The following MRPS25 variants were observed in gnomAD, a reference collection of about 807,000 sequenced individuals.
MRPS25 encodes the protein small ribosomal subunit protein mS25.
A neutral mutation model predicts 17.3 loss-of-function variants in MRPS25; 15 were observed. The ratio of observed to expected loss-of-function variants is 0.87; its 90% CI spans 0.58 to 1.34. The LOEUF (loss-of-function observed/expected upper bound fraction) is 1.34. Ranked by LOEUF, MRPS25 falls within the 40% of genes most tolerant of loss-of-function variation. MRPS25 has a pLI of 0.00. For synonymous variants in MRPS25, 94 were observed against 83.3 expected (o/e 1.13, Z -0.70); for missense variants, 225 against 218.6 (o/e 1.03, Z -0.19).
chr3:15,050,006 CAT>C lies in MRPS25; in HGVS notation c.*2433_*2434del. On this transcript the variant is annotated 3_prime_UTR_variant, in exon 4 of 4. Transcript: ENST00000253686. ...CTGCTTGTGCAAGTAAAATTAAGAA[CAT>C]GTTATCAATTATAAAATCCTCACAT... 7 of 1,468,998 alleles carry C rather than the reference CAT, an allele frequency of 4.8e-6. No homozygotes were observed. The South Asian group carries it at 7.1e-5, about 15-fold the overall frequency. 91.0% of individuals were successfully genotyped at this position (1,468,998 alleles called of 1,614,324 possible). A position where few individuals can be genotyped will look rare whatever the true frequency, so the allele number is the denominator to read the frequency against.
At chr3:15,063,242 A>C (rs893549506) in intron 1 of MRPS25, among the ~76,000 whole-genome samples, 1 of 152,138 alleles carries the variant, frequency 6.6e-6, no homozygotes, top group Non-Finnish European at 1.5e-5. Context: ...CTTCGATCAC[A>C]CTGTTCTGTC....
At position 15,051,111 on chromosome 3, in the gene MRPS25, A is replaced by G. The variant is rs961821631; in HGVS notation, c.*1330T>C. On this transcript the variant is annotated 3_prime_UTR_variant, in exon 4 of 4. Coordinates refer to ENST00000253686, the MANE Select transcript of MRPS25 (RefSeq NM_022497.5). ...TAACCACTGCCTTCCTGTCTCAGAT[A>G]AAGTCAGGTCTCCTTGGCTGAGTTT... The G allele has an allele frequency of 4.1e-6, 4 of 985,362 alleles. No homozygotes were observed. The highest frequency in any genetic ancestry group is 4.8e-6 in the Non-Finnish European group (4 of 829,898). 61.0% of individuals were successfully genotyped at this position (985,362 alleles called of 1,614,324 possible).
intron 2 of MRPS25, among the ~76,000 whole-genome samples, chr3:15,057,446 C>A (rs2042687548): frequency 6.6e-6 from 1 of 152,180 alleles, no homozygotes; most frequent in Non-Finnish European, 1.5e-5. Flanking sequence ...TGGAATACTA[C>A]CCAGCCAGAA....
At position 15,052,244 on chromosome 3, in the gene MRPS25, G is replaced by C; in HGVS notation, c.*197C>G. ...AGCGTTTTATTGACCAGCAGAGCAG[G>C]GATATTCATTTAGCAGCTCAGCTTC... On this transcript the variant is annotated 3_prime_UTR_variant, in exon 4 of 4. Coordinates refer to ENST00000253686, the MANE Select transcript of MRPS25 (RefSeq NM_022497.5). 1 of 1,351,264 alleles carries C rather than the reference G, an allele frequency of 7.4e-7. No individual in the cohort carries two copies. The highest frequency in any genetic ancestry group is 9.5e-7 in the Non-Finnish European group (1 of 1,053,702). The allele number at this position is 1,351,264 out of a possible 1,614,324, so 83.7% of individuals were successfully genotyped here. A position where few individuals can be genotyped will look rare whatever the true frequency, so the allele number is the denominator to read the frequency against.
At chr3:15,062,771 C>G (rs529614153) in intron 1 of MRPS25, among the ~76,000 whole-genome samples, 295 of 152,204 alleles carry the variant, frequency 1.9e-3, no homozygotes, top group Middle Eastern at 3.4e-3. Flanking sequence ...GACCTTACCC[C>G]CAACCCTGTG....
Position 15,052,481 on chromosome 3 carries a change from C to T in MRPS25, c.482G>A (p.Gly161Glu). The T allele has an allele frequency of 1.2e-6, 2 of 1,614,188 alleles. No homozygotes were observed. Among genetic ancestry groups the T allele is most frequent in the African/African-American group, 1.3e-5 (1 of 75,064 alleles). The change falls in exon 4 of 4, where the codon GGG becomes GAG. Residue 161 changes from glycine to glutamate, a missense_variant. Gly to Glu is a moderately conservative substitution (Grantham distance 98). Coordinates refer to ENST00000253686, the MANE Select transcript of MRPS25 (RefSeq NM_022497.5). ...SLVPLPKEMR[G>E]KYKAALKADA... The stretch of plus-strand genomic sequence containing the variant: ...GGCTTTCAGAGCGGCTTTGTACTTC[C>T]CCCTCATCTCCTTGGGTAATGGCAC...
At chr3:15,043,084 T>C, downstream of MRPS25, 1 of 1,413,456 alleles carries the variant, frequency 7.1e-7, no homozygotes, top group South Asian at 1.5e-5. Context: ...TAGTGGTATT[T>C]TGGTATGTGC....
Position 15,053,439 on chromosome 3 carries a change from C to T in MRPS25, c.270G>A (p.Val90=), listed in dbSNP as rs146144968. The part of the protein sequence containing the change: ...LDSGEQVLVD[V]ETKSNKEIME... ...TGATCTCCTTATTGCTCTTGGTCTC[C>T]ACATCCACCAGGACCTGCTCCCCAG... is the stretch of plus-strand genomic sequence containing the variant. Residue 90 remains valine (V), a synonymous_variant, in exon 3 of 4, where the codon GTG becomes GTA. Coordinates refer to ENST00000253686, the MANE Select transcript of MRPS25 (RefSeq NM_022497.5). 17 of 1,614,020 alleles carry T rather than the reference C, an allele frequency of 1.1e-5. No homozygotes were observed. Among genetic ancestry groups the T allele is most frequent in the African/African-American group, 2.7e-5 (2 of 74,902 alleles).
chr3:15,057,565 A>C (rs2042689402), intron 2 of MRPS25, among the ~76,000 whole-genome samples: 1 of 152,204 alleles, frequency 6.6e-6, no homozygotes, highest in South Asian at 2.1e-4. Context: ...TGACATTCTA[A>C]AACAAAATGC....
At chr3:15,047,437 T>C (rs1033227778), downstream of MRPS25, 2 of 152,232 alleles carry the variant, frequency 1.3e-5, no homozygotes, top group African/African-American at 4.8e-5. Context: ...TGGGAATTTT[T>C]AACCTTTTCA....
At chr3:15,062,735 T>G (rs1024672414) in intron 1 of MRPS25, among the ~76,000 whole-genome samples, 92 of 152,304 alleles carry the variant, frequency 6.0e-4, no homozygotes, top group Middle Eastern at 3.4e-3. Context: ...GAAAAATTCT[T>G]CTGCCTTGGG....
At chr3:15,042,969 A>G (rs564350558), downstream of MRPS25, 6 of 1,614,252 alleles carry the variant, frequency 3.7e-6, no homozygotes, top group African/African-American at 1.3e-5. Flanking sequence ...AGATGGAGAC[A>G]GCAGAGTATA....
rs73129438 is a variant in MRPS25 at position 15,051,932 on chromosome 3, C to T, written c.*509G>A. The T allele has an allele frequency of 5.1e-3, 5,023 of 985,800 alleles. 150 individuals carry two copies. In the African/African-American group the frequency reaches 0.075, roughly 15 times the overall value. 61.1% of individuals were successfully genotyped at this position (985,800 alleles called of 1,614,324 possible). A position where few individuals can be genotyped will look rare whatever the true frequency, so the allele number is the denominator to read the frequency against. On this transcript the variant is annotated 3_prime_UTR_variant, in exon 4 of 4. Coordinates refer to ENST00000253686, the MANE Select transcript of MRPS25 (RefSeq NM_022497.5). ...TGTACTTAAAAAAGTGAGCACTGCA[C>T]GAAGGGTTGCCTTTGGATTTCTGAA... is the stretch of plus-strand genomic sequence containing the variant.
At position 15,048,826 on chromosome 3, in the gene MRPS25, C is replaced by CTGTT. The variant is rs1559323735; in HGVS notation, c.*3611_*3614dup. 6.6e-6 allele frequency: 1 copy of CTGTT among 152,620 alleles called. No homozygotes were observed. Among genetic ancestry groups the CTGTT allele is most frequent in the Admixed American group, 6.5e-5 (1 of 15,278 alleles). The allele number at this position is 152,620 out of a possible 1,614,324, so 9.5% of individuals were successfully genotyped here. On this transcript the variant is annotated 3_prime_UTR_variant, in exon 4 of 4. Coordinates refer to ENST00000253686, the MANE Select transcript of MRPS25 (RefSeq NM_022497.5). ...GTTTTTACCTGTAGTTTGGACTTCT[C>CTGTT]TGTTAGAATGTAACTGCATTACCAG...
chr3:15,064,606 G>A (rs567236545), intron 1 of MRPS25, among the ~76,000 whole-genome samples: 1 of 152,204 alleles, frequency 6.6e-6, no homozygotes, highest in Non-Finnish European at 1.5e-5. Flanking sequence ...AAAAAAGAAA[G>A]CGCGAGAAGC....
intron 2 of MRPS25, among the ~76,000 whole-genome samples, chr3:15,056,987 T>C (rs1418565659): frequency 1.3e-5 from 2 of 152,200 alleles, no homozygotes; most frequent in Non-Finnish European, 2.9e-5. Context: ...CCAGGAGGCC[T>C]GAATGCCTCT....
intron 2 of MRPS25, among the ~76,000 whole-genome samples, chr3:15,058,383 G>A (rs866431888): frequency 1.3e-5 from 2 of 152,002 alleles, no homozygotes; most frequent in African/African-American, 4.8e-5. Flanking sequence ...TAGAGACAGG[G>A]TTTCACCATG....
In MRPS25 at chr3:15,049,567, G is replaced by T; in HGVS notation, c.*2874C>A. 1.0e-5 allele frequency: 4 copies of T among 386,864 alleles called. No individual in the cohort carries two copies. Among genetic ancestry groups the T allele is most frequent in the Non-Finnish European group, 1.4e-5 (3 of 217,704 alleles). The allele number at this position is 386,864 out of a possible 1,614,324, so 24.0% of individuals were successfully genotyped here. ...ACACATGTTTCTGGAGCAGAGCACAGTTAGGCTGCTGGAACATTCAGATGC... is the reference window on the plus strand; with the variant it reads ...ACACATGTTTCTGGAGCAGAGCACATTTAGGCTGCTGGAACATTCAGATGC... On this transcript the variant is annotated 3_prime_UTR_variant, in exon 4 of 4. Transcript: ENST00000253686.
chr3:15,053,416 ATCTCCTTATTGCTCTTGG>A lies in MRPS25; in HGVS notation c.275_292del (p.Thr92_Glu97del). ...CAAGATTTTTCTGATGTGCTCCATG[ATCTCCTTATTGCTCTTGG>A]TCTCCACATCCACCAGGACCTGCTC... On this transcript the variant is annotated inframe_deletion, in exon 3 of 4. Transcript: ENST00000253686. 6.2e-7 allele frequency: 1 copy of A among 1,614,056 alleles called. No homozygotes were observed. The highest frequency in any genetic ancestry group is 8.5e-7 in the Non-Finnish European group (1 of 1,180,024).
Sources: allele counts gnomAD v4.1 joint callset (sites outside exome capture counted in the v4.1 genomes callset), GRCh38; gene constraint gnomAD v4.1.1; transcripts MANE v1.5; gene names NCBI Gene and HGNC (gene_info 2026-07-23, HGNC 2026-07-21).